MYO5A: variants seen among roughly 807,000 people sequenced by gnomAD.
The protein encoded by MYO5A is myosin VA.
A neutral mutation model predicts 249.7 loss-of-function variants in MYO5A; 98 were observed. The ratio of observed to expected loss-of-function variants is 0.39; its 90% CI spans 0.33 to 0.46. The LOEUF is 0.46. MYO5A is among the 20% of genes least tolerant of loss of function. MYO5A has a pLI of 0.98. For synonymous variants in MYO5A, 778 were observed against 810.6 expected, an observed-to-expected ratio of 0.96 and a Z score of 0.68; for missense variants, 1,696 against 2,308.8, an observed-to-expected ratio of 0.73 and a Z score of 5.44.
At position 52,444,966 on chromosome 15, in the gene MYO5A, T is replaced by TA. The variant is rs1413818870; in HGVS notation, c.28-11682dup. On this transcript the variant is annotated intron_variant, in intron 1 of 41. Transcript: ENST00000399233. ...TGCCAAAACAGTACCTGGGAAATAA[T>TA]AGACAGGTGCCGGTATGTATTTCCC... is the stretch of plus-strand genomic sequence containing the variant. Among the ~76,000 whole-genome samples, 4 of 152,224 alleles carry TA rather than the reference T, an allele frequency of 2.6e-5. No individual in the cohort carries two copies. In the South Asian group the frequency reaches 6.2e-4, roughly 24 times the overall value.
chr15:52,345,757 C>T (rs1032255190), intron 30 of MYO5A, among the ~76,000 whole-genome samples: 1 of 152,122 alleles, frequency 6.6e-6, no homozygotes, highest in Admixed American at 6.5e-5. Context: ...CAATATTCTT[C>T]AGTTTATAAA....
At chr15:52,424,318 T>C (rs1026511671) in intron 4 of MYO5A, among the ~76,000 whole-genome samples, 1 of 152,230 alleles carries the variant, frequency 6.6e-6, no homozygotes, top group Admixed American at 6.5e-5. Flanking sequence ...TTTCATAATG[T>C]CAGACTAATT....
chr15:52,504,935 T>C (rs2077237097), intron 1 of MYO5A, among the ~76,000 whole-genome samples: 1 of 151,878 alleles, frequency 6.6e-6, no homozygotes, highest in Non-Finnish European at 1.5e-5. Context: ...GGTTAAACTC[T>C]TAGGAGTTTG....
intron 32 of MYO5A, 67 bp from the exon 33 acceptor site, chr15:52,337,951 C>T: frequency 9.3e-7 from 1 of 1,071,824 alleles, no homozygotes; most frequent in Non-Finnish European, 1.4e-6. Context: ...TATCTTTCAG[C>T]AAAATCAATT....
At chr15:52,372,002 C>A in intron 21 of MYO5A, 122 bp downstream of exon 21, 1 of 1,404,084 alleles carries the variant, frequency 7.1e-7, no homozygotes, top group Non-Finnish European at 1.0e-6. Flanking sequence ...GAAATAAATA[C>A]GGTCATAATT....
intron 1 of MYO5A, among the ~76,000 whole-genome samples, chr15:52,465,921 T>C (rs1332183475): frequency 1.3e-5 from 2 of 151,656 alleles, no homozygotes; most frequent in Admixed American, 6.6e-5. Context: ...AGAAGGAAGG[T>C]AGGTAGCCCG....
chr15:52,326,591 T>G (rs2038619333), intron 36 of MYO5A, among the ~76,000 whole-genome samples: 1 of 152,054 alleles, frequency 6.6e-6, no homozygotes, highest in South Asian at 2.1e-4. Context: ...GGTACTGTGT[T>G]TCAGTTGGGG....
At chr15:52,488,481 A>G (rs932388309) in intron 1 of MYO5A, among the ~76,000 whole-genome samples, 2 of 152,226 alleles carry the variant, frequency 1.3e-5, no homozygotes, top group Non-Finnish European at 2.9e-5. Context: ...ACAAATATCA[A>G]AATTCTGCTG....
intron 1 of MYO5A, among the ~76,000 whole-genome samples, chr15:52,486,474 T>TG (rs780266549): frequency 2.0e-5 from 3 of 152,222 alleles, no homozygotes; most frequent in Admixed American, 6.5e-5. Flanking sequence ...TCAGCTCAAA[T>TG]GTTACCTTCT....
chr15:52,406,812 T>C (rs1315876518), intron 8 of MYO5A, among the ~76,000 whole-genome samples: 1 of 152,170 alleles, frequency 6.6e-6, no homozygotes. Context: ...GAATATTCTG[T>C]CATGATGCCA....
At chr15:52,392,186 C>T (rs181020551) in intron 11 of MYO5A, 116 bp from the exon 12 acceptor site, 61 of 997,984 alleles carry the variant, frequency 6.1e-5, no homozygotes, top group South Asian at 1.3e-4. Context: ...AACAACCTCA[C>T]GGGAGAAGCA....
intron 1 of MYO5A, among the ~76,000 whole-genome samples, chr15:52,525,943 G>C (rs1337613144): frequency 6.6e-6 from 1 of 152,206 alleles, no homozygotes; most frequent in Non-Finnish European, 1.5e-5. Flanking sequence ...GGAAAGGACT[G>C]TATCTTGTTC....
At chr15:52,367,362 G>A (rs1250296367) in intron 22 of MYO5A, among the ~76,000 whole-genome samples, 2 of 152,190 alleles carry the variant, frequency 1.3e-5, no homozygotes, top group African/African-American at 2.4e-5. Flanking sequence ...CCCTGTATAT[G>A]CTCTTTATAT....
At chr15:52,383,922 C>T (rs1055088481) in intron 15 of MYO5A, among the ~76,000 whole-genome samples, 5 of 152,144 alleles carry the variant, frequency 3.3e-5, no homozygotes, top group African/African-American at 7.2e-5. Flanking sequence ...GTCTGAGAGA[C>T]GATATGCACG....
intron 28 of MYO5A, among the ~76,000 whole-genome samples, chr15:52,349,606 A>C (rs1022890693): frequency 1.3e-5 from 2 of 151,970 alleles, no homozygotes; most frequent in Non-Finnish European, 2.9e-5. Context: ...CCTTTGCTTC[A>C]TTTTTCTTTT....
intron 20 of MYO5A, among the ~76,000 whole-genome samples, chr15:52,374,520 G>C: frequency 6.6e-6 from 1 of 152,254 alleles, no homozygotes; most frequent in East Asian, 1.9e-4. Context: ...CTTCAGATGG[G>C]AGGATTATCC....
At chr15:52,371,881 A>G (rs1310553864) in intron 21 of MYO5A, among the ~76,000 whole-genome samples, 2 of 20,794 alleles carry the variant, frequency 9.6e-5, no homozygotes, top group African/African-American at 7.6e-4. Context: ...AATAATAGTA[A>G]TAATAATAAT....
At chr15:52,363,607 G>A (rs1389968226) in intron 24 of MYO5A, among the ~76,000 whole-genome samples, 1 of 152,162 alleles carries the variant, frequency 6.6e-6, no homozygotes, top group Non-Finnish European at 1.5e-5. Flanking sequence ...AAAATTTGAA[G>A]AAAATACTCT....
chr15:52,426,317 GTT>G (rs33984064), intron 3 of MYO5A, among the ~76,000 whole-genome samples: 62,578 of 141,590 alleles, frequency 0.44, 14,564 homozygotes, highest in East Asian at 0.82. Flanking sequence ...CATGCAAAGA[GTT>G]TTTTTTTTTT....
Sources: allele counts gnomAD v4.1 joint callset (sites outside exome capture counted in the v4.1 genomes callset), GRCh38; gene constraint gnomAD v4.1.1; transcripts MANE v1.5; gene names NCBI Gene and HGNC (gene_info 2026-07-23, HGNC 2026-07-21).